PKNOX2: variants seen among roughly 807,000 people sequenced by gnomAD.
PKNOX2 encodes the protein PBX/knotted 1 homeobox 2, also known as homeobox protein PKNOX2.
A neutral mutation model predicts 53.1 loss-of-function variants in PKNOX2; 14 were observed. The ratio of observed to expected loss-of-function variants is 0.26; its 90% confidence interval spans 0.17 to 0.41. The LOEUF is 0.41. Ranked by LOEUF, PKNOX2 falls within the 10% of genes least tolerant of loss-of-function variation. PKNOX2 has a pLI of 1.00. For synonymous variants in PKNOX2, 257 were observed against 242.8 expected (o/e 1.06, Z -0.54); for missense variants, 496 against 602.8 (o/e 0.82, Z 1.85).
At chr11:125,217,564 C>CGG (rs914080625) in intron 1 of PKNOX2, among the ~76,000 whole-genome samples, 2 of 152,088 alleles carry the variant, frequency 1.3e-5, no homozygotes, top group African/African-American at 4.8e-5. Flanking sequence ...CTAGCGCAGG[C>CGG]GGGCACACAG....
chr11:125,172,104 C>T (rs979113399), intron 1 of PKNOX2, among the ~76,000 whole-genome samples: 9 of 152,244 alleles, frequency 5.9e-5, no homozygotes, highest in African/African-American at 2.2e-4. Context: ...ACATGAGCCT[C>T]CTAGGTCATG....
intron 2 of PKNOX2, among the ~76,000 whole-genome samples, chr11:125,277,977 G>C (rs923198816): frequency 3.3e-5 from 5 of 152,068 alleles, no homozygotes; most frequent in African/African-American, 1.2e-4. Context: ...AACACTTTGG[G>C]AGGCTGAGGC....
At position 125,228,859 on chromosome 11, in the gene PKNOX2, A is replaced by G. The variant is rs557653301; in HGVS notation, c.-200-6186A>G. Among the ~76,000 whole-genome samples, 5 of 152,270 alleles carry G rather than the reference A, an allele frequency of 3.3e-5. No individual in the cohort carries two copies. In the South Asian group the frequency reaches 1.0e-3, roughly 32 times the overall value. On this transcript the variant is annotated intron_variant, in intron 1 of 12. Transcript: ENST00000298282. The stretch of plus-strand genomic sequence containing the variant: ...TTCCCCCATTAGGTTTGTACAATTA[A>G]CAAAATATGTGCTGTTAGGGCTTTG...
chr11:125,286,626 C>T (rs936755232), intron 2 of PKNOX2, among the ~76,000 whole-genome samples: 3 of 152,242 alleles, frequency 2.0e-5, no homozygotes, highest in African/African-American at 7.2e-5. Flanking sequence ...CCTGGTGTCG[C>T]CTGCCGGGCC....
intron 1 of PKNOX2, among the ~76,000 whole-genome samples, chr11:125,170,595 G>T (rs938682422): frequency 9.2e-5 from 14 of 152,220 alleles, no homozygotes; most frequent in African/African-American, 3.4e-4. Flanking sequence ...GTCTTCAAGG[G>T]GATCTGCTGT....
intron 10 of PKNOX2, among the ~76,000 whole-genome samples, chr11:125,426,475 G>A (rs1213640672): frequency 6.6e-6 from 1 of 152,224 alleles, no homozygotes; most frequent in Non-Finnish European, 1.5e-5. Flanking sequence ...TTGTGGGCTG[G>A]TGAACCAGCA....
chr11:125,281,891 A>C (rs77875483), intron 2 of PKNOX2, among the ~76,000 whole-genome samples: 5,772 of 152,244 alleles, frequency 0.038, 397 homozygotes, highest in African/African-American at 0.13. Flanking sequence ...CTCACATGAA[A>C]CCTTAAAAGA....
At chr11:125,313,922 T>C (rs1948985791) in intron 2 of PKNOX2, among the ~76,000 whole-genome samples, 1 of 152,172 alleles carries the variant, frequency 6.6e-6, no homozygotes, top group African/African-American at 2.4e-5. Context: ...TGGATGTTAG[T>C]ACTTACCGCA....
chr11:125,256,833 G>T (rs1166135959), intron 2 of PKNOX2, among the ~76,000 whole-genome samples: 16 of 152,216 alleles, frequency 1.1e-4, no homozygotes, highest in Admixed American at 1.0e-3. Context: ...GAGCAGGGGA[G>T]AGAGAGGCTT....
At chr11:125,167,758 T>C (rs1446933373) in intron 1 of PKNOX2, among the ~76,000 whole-genome samples, 1 of 152,188 alleles carries the variant, frequency 6.6e-6, no homozygotes, top group Non-Finnish European at 1.5e-5. Flanking sequence ...TTTTATTGTG[T>C]GGCAGTGGCA....
In PKNOX2 at chr11:125,280,894, C is replaced by A. The variant is rs544723117; in HGVS notation, c.-130+45779C>A. ...AGTATGTCTGCCCGCTTCCCACTCA[C>A]CCCCTAGTTCTGCCTGCTTTCCAGG... On this transcript the variant is annotated intron_variant, in intron 2 of 12. Transcript: ENST00000298282. Among the ~76,000 whole-genome samples, 143 of 152,310 alleles carry A rather than the reference C, an allele frequency of 9.4e-4. 1 individual carries two copies. Among genetic ancestry groups the A allele is most frequent in the Middle Eastern group, 3.4e-3 (1 of 294 alleles).
chr11:125,186,183 A>G (rs1164341262), intron 1 of PKNOX2, among the ~76,000 whole-genome samples: 6 of 152,040 alleles, frequency 3.9e-5, no homozygotes, highest in African/African-American at 1.4e-4. Context: ...GGACATTTGT[A>G]TATCTTTTTT....
chr11:125,415,212 A>G (rs1250136871), intron 10 of PKNOX2, among the ~76,000 whole-genome samples: 1 of 150,782 alleles, frequency 6.6e-6, no homozygotes, highest in Non-Finnish European at 1.5e-5. Flanking sequence ...GTTTGGGCCA[A>G]TCTGAGTTAT....
At chr11:125,247,907 C>T (rs1272842430) in intron 2 of PKNOX2, among the ~76,000 whole-genome samples, 4 of 152,216 alleles carry the variant, frequency 2.6e-5, no homozygotes, top group Admixed American at 1.3e-4. Context: ...TCCCATCCCG[C>T]TAGCTCCTAT....
intron 6 of PKNOX2, among the ~76,000 whole-genome samples, chr11:125,390,216 C>A (rs1219306113): frequency 2.6e-5 from 4 of 152,194 alleles, no homozygotes; most frequent in Non-Finnish European, 5.9e-5. Context: ...TTATTTAATC[C>A]TCTTTCTAAA....
At chr11:125,200,848 G>T (rs955811026) in intron 1 of PKNOX2, among the ~76,000 whole-genome samples, 1 of 152,222 alleles carries the variant, frequency 6.6e-6, no homozygotes, top group African/African-American at 2.4e-5. Context: ...CCCAGGCAGG[G>T]CCCTTGTTTC....
intron 1 of PKNOX2, among the ~76,000 whole-genome samples, chr11:125,188,563 C>T (rs1956593992): frequency 6.6e-6 from 1 of 152,116 alleles, no homozygotes; most frequent in South Asian, 2.1e-4. Context: ...TCAGAAGGTT[C>T]CAAGAGGTAA....
chr11:125,274,442 AG>A (rs979220914), intron 2 of PKNOX2, among the ~76,000 whole-genome samples: 1 of 152,214 alleles, frequency 6.6e-6, no homozygotes, highest in African/African-American at 2.4e-5. Flanking sequence ...CTGCGGTGCC[AG>A]CCCCTGTGCA....
At chr11:125,198,776 C>T (rs889804106) in intron 1 of PKNOX2, among the ~76,000 whole-genome samples, 2 of 151,936 alleles carry the variant, frequency 1.3e-5, no homozygotes, top group African/African-American at 4.8e-5. Flanking sequence ...ATTCTACTCC[C>T]TCACCTCTCC....
Sources: allele counts gnomAD v4.1 joint callset (sites outside exome capture counted in the v4.1 genomes callset), GRCh38; gene constraint gnomAD v4.1.1; transcripts MANE v1.5; gene names NCBI Gene and HGNC (gene_info 2026-07-23, HGNC 2026-07-21).